Variants in MKLN1 observed in about 807,000 individuals in gnomAD.
The protein encoded by MKLN1 is muskelin.
A neutral mutation model predicts 99.0 loss-of-function variants in MKLN1; 18 were observed. The ratio of observed to expected loss-of-function variants is 0.18; its 90% CI spans 0.13 to 0.27. MKLN1 has a LOEUF of 0.27. Ranked by LOEUF, MKLN1 falls within the 10% of genes least tolerant of loss-of-function variation. The pLI, the probability that MKLN1 is intolerant of heterozygous loss-of-function variation, is 1.00. For synonymous variants in MKLN1, 288 were observed against 293.2 expected, an observed-to-expected ratio of 0.98 and a Z score of 0.18; for missense variants, 621 against 875.9, an observed-to-expected ratio of 0.71 and a Z score of 3.67.
chr7:131,269,128 T>C (rs75434348), intron 3 of MKLN1, among the ~76,000 whole-genome samples: 5,704 of 152,318 alleles, frequency 0.037, 375 homozygotes, highest in African/African-American at 0.13. Flanking sequence ...ATGTGGCATA[T>C]CTAAACCAAA....
intron 1 of MKLN1, among the ~76,000 whole-genome samples, chr7:131,359,853 C>T (rs1335846071): frequency 6.6e-6 from 1 of 152,066 alleles, no homozygotes. Context: ...CCTGCCTCAG[C>T]CTCCTGAGTA....
At chr7:131,216,284 G>A (rs934065661) in intron 3 of MKLN1, among the ~76,000 whole-genome samples, 6 of 151,748 alleles carry the variant, frequency 4.0e-5, no homozygotes, top group African/African-American at 1.2e-4. Flanking sequence ...ACAGGAGTGC[G>A]TGGTGGCGCA....
rs543376051 is a variant in MKLN1, at chr7:131,137,290, C to G, written c.-418-5530C>G. On this transcript the variant is annotated intron_variant, in intron 1 of 7. Coordinates refer to the MKLN1 transcript ENST00000416992. ...ATAAAAAGATCAGAAAAATGTTACC[C>G]CCCAAATTGAAGCTAATAAAAGAAA... 2.6e-5 allele frequency among the ~76,000 whole-genome samples: 4 copies of G among 152,208 alleles called. No homozygotes were observed. In the South Asian group the frequency reaches 8.3e-4, roughly 32 times the overall value.
intron 3 of MKLN1, chr7:131,242,855 T>C: frequency 1.5e-6 from 1 of 663,654 alleles, no homozygotes; most frequent in Admixed American, 1.9e-5. Context: ...ACTCTGTGGA[T>C]ATCCCCTTGG....
exon 2 of MKLN1, chr7:131,142,934 G>A: frequency 7.7e-7 from 1 of 1,305,152 alleles, no homozygotes; most frequent in Non-Finnish European, 1.0e-6. Context: ...CATGGGGATT[G>A]GAATTCGGTA....
chr7:131,221,992 G>A (rs1376893029), intron 3 of MKLN1, among the ~76,000 whole-genome samples: 1 of 149,354 alleles, frequency 6.7e-6, no homozygotes, highest in Non-Finnish European at 1.5e-5. Context: ...TGCAACCTCC[G>A]CCTCCTGGGT....
chr7:131,168,298 C>T (rs545544657), intron 2 of MKLN1, among the ~76,000 whole-genome samples: 99 of 152,186 alleles, frequency 6.5e-4, no homozygotes, highest in Non-Finnish European at 1.3e-3. Flanking sequence ...CTCATTCCTC[C>T]GCTTTCTCAC....
chr7:131,358,576 C>G (rs912430221), intron 1 of MKLN1, among the ~76,000 whole-genome samples: 10 of 152,076 alleles, frequency 6.6e-5, no homozygotes, highest in African/African-American at 2.4e-4. Flanking sequence ...CTCTGCTATT[C>G]TTTTCTGAAA....
chr7:131,454,660 A>G (rs1324917112), intron 12 of MKLN1, among the ~76,000 whole-genome samples: 2 of 152,252 alleles, frequency 1.3e-5, no homozygotes, highest in African/African-American at 4.8e-5. Flanking sequence ...AGTCTAAACC[A>G]GTCATTATTA....
At chr7:131,302,521 G>C (rs1168006833) in intron 3 of MKLN1, among the ~76,000 whole-genome samples, 1 of 152,212 alleles carries the variant, frequency 6.6e-6, no homozygotes, top group Non-Finnish European at 1.5e-5. Flanking sequence ...CTAGGCATCA[G>C]TGTTAATTGC....
intron 15 of MKLN1, among the ~76,000 whole-genome samples, chr7:131,467,720 A>G (rs914224488): frequency 1.3e-5 from 2 of 152,204 alleles, no homozygotes; most frequent in Non-Finnish European, 2.9e-5. Flanking sequence ...TTTTACTCTT[A>G]GGGGAGATTG....
At chr7:131,191,295 A>C (rs1272842730) in intron 2 of MKLN1, among the ~76,000 whole-genome samples, 1 of 152,252 alleles carries the variant, frequency 6.6e-6, no homozygotes, top group Non-Finnish European at 1.5e-5. Context: ...TTACTCCAGC[A>C]GATTCAAGTT....
chr7:131,137,925 CTTTTTTTTTT>C (rs58860730), intron 1 of MKLN1, among the ~76,000 whole-genome samples: 7 of 118,770 alleles, frequency 5.9e-5, no homozygotes, highest in African/African-American at 2.3e-4. Flanking sequence ...TCTTTCTTTA[CTTTTTTTTTT>C]TTTTTTTTTG....
At chr7:131,179,334 A>G (rs572211084) in intron 2 of MKLN1, among the ~76,000 whole-genome samples, 2 of 152,280 alleles carry the variant, frequency 1.3e-5, no homozygotes, top group Middle Eastern at 3.4e-3. Context: ...CACTTCCTAG[A>G]TTCCTTTAAG....
At chr7:131,442,065 AC>A (rs1324334028) in intron 10 of MKLN1, among the ~76,000 whole-genome samples, 1 of 152,202 alleles carries the variant, frequency 6.6e-6, no homozygotes, top group Non-Finnish European at 1.5e-5. Flanking sequence ...ATACTTCCAG[AC>A]ATCTTTGTTT....
intron 14 of MKLN1, among the ~76,000 whole-genome samples, chr7:131,465,028 G>A (rs970478133): frequency 1.3e-5 from 2 of 151,948 alleles, no homozygotes; most frequent in African/African-American, 2.4e-5. Flanking sequence ...TAAATTCTAC[G>A]CAATACACTT....
upstream of MKLN1, chr7:131,327,776 C>G (rs905884225): frequency 4.2e-6 from 6 of 1,433,180 alleles, no homozygotes; most frequent in East Asian, 1.3e-4. Context: ...GCTCGGGTAA[C>G]GATGCGGGGC....
chr7:131,240,759 A>C (rs560613827), intron 3 of MKLN1, among the ~76,000 whole-genome samples: 1 of 152,354 alleles, frequency 6.6e-6, no homozygotes, highest in East Asian at 1.9e-4. Flanking sequence ...ATTAAATGAC[A>C]CAGTAGGCAA....
intron 6 of MKLN1, among the ~76,000 whole-genome samples, chr7:131,408,187 A>G (rs933072266): frequency 1.3e-5 from 2 of 152,128 alleles, no homozygotes; most frequent in Admixed American, 6.6e-5. Context: ...CCAAAAATCC[A>G]TACTCTCTAT....
Sources: allele counts gnomAD v4.1 joint callset (sites outside exome capture counted in the v4.1 genomes callset), GRCh38; gene constraint gnomAD v4.1.1; transcripts MANE v1.5; gene names NCBI Gene and HGNC (gene_info 2026-07-23, HGNC 2026-07-21).